Variants in XYLB observed in about 807,000 individuals in gnomAD.
XYLB encodes xylulokinase.
XYLB carries 62 observed loss-of-function variants against 78.7 expected under a neutral mutation model. The ratio of observed to expected loss-of-function variants is 0.79; its 90% CI spans 0.64 to 0.97. The LOEUF is 0.97. Among genes scored for constraint, XYLB ranks in the 50% least tolerant of loss-of-function variants. The pLI is 0.00. For missense variants in XYLB, 687 were observed against 676.8 expected, an observed-to-expected ratio of 1.02 and a Z score of -0.17; for synonymous variants, 245 against 247.4, an observed-to-expected ratio of 0.99 and a Z score of 0.09.
chr3:38,440,081 G>A, the XYLB span, among the ~76,000 whole-genome samples: 4 of 152,186 alleles, frequency 2.6e-5, no homozygotes, highest in Admixed American at 6.5e-5. Context: ...TCTGGTTCCT[G>A]TAGCAGTGGC....
At chr3:38,402,145 T>C (rs1708146215) in intron 18 of XYLB, among the ~76,000 whole-genome samples, 1 of 152,152 alleles carries the variant, frequency 6.6e-6, no homozygotes, top group Non-Finnish European at 1.5e-5. Context: ...CATAATAGTC[T>C]GTGATACAAC....
chr3:38,400,830 GTT>G, intron 17 of XYLB, 59 bp from the exon 18 acceptor site: 1 of 1,449,674 alleles, frequency 6.9e-7, no homozygotes, highest in Non-Finnish European at 9.6e-7. Context: ...CCTTCGTGGT[GTT>G]TTTGGTTAAC....
At chr3:38,382,719 C>T (rs1011569803) in intron 15 of XYLB, among the ~76,000 whole-genome samples, 9 of 152,168 alleles carry the variant, frequency 5.9e-5, no homozygotes, top group South Asian at 2.1e-4. Flanking sequence ...CCCCAGGGAA[C>T]GGAACAGCCC....
chr3:38,442,761 T>C, the XYLB span, among the ~76,000 whole-genome samples: 1 of 150,632 alleles, frequency 6.6e-6, no homozygotes, highest in African/African-American at 2.5e-5. Flanking sequence ...ACTTGAGCTT[T>C]TAAATGTCTA....
At chr3:38,363,639 C>T (rs1165312792) in intron 4 of XYLB, among the ~76,000 whole-genome samples, 10 of 152,184 alleles carry the variant, frequency 6.6e-5, no homozygotes, top group Admixed American at 5.9e-4. Context: ...CTGGTGCCCC[C>T]GTATTCTCAT....
chr3:38,408,246 A>G (rs1180037390), intron 18 of XYLB, among the ~76,000 whole-genome samples: 1 of 152,198 alleles, frequency 6.6e-6, no homozygotes, highest in Non-Finnish European at 1.5e-5. Flanking sequence ...AAAACCACTC[A>G]GCTGCATGGA....
intron 18 of XYLB, among the ~76,000 whole-genome samples, chr3:38,406,183 A>G (rs189740335): frequency 2.6e-5 from 4 of 152,314 alleles, no homozygotes; most frequent in Admixed American, 2.6e-4. Flanking sequence ...CTCCTCTGAG[A>G]CAAAACTTCC....
intron 2 of XYLB, among the ~76,000 whole-genome samples, chr3:38,359,452 G>A (rs1028948019): frequency 5.9e-5 from 9 of 152,084 alleles, no homozygotes; most frequent in Non-Finnish European, 1.2e-4. Context: ...GACAGGCTTA[G>A]GGCCTGTTCC....
intron 17 of XYLB, 34 bp from the exon 18 acceptor site, chr3:38,400,857 C>T (rs1473901257): frequency 6.3e-7 from 1 of 1,579,140 alleles, no homozygotes; most frequent in Non-Finnish European, 8.7e-7. Flanking sequence ...TCACTTGCAA[C>T]ATGCACTAAT....
the XYLB span, among the ~76,000 whole-genome samples, chr3:38,442,613 A>T: frequency 6.6e-6 from 1 of 151,738 alleles, no homozygotes; most frequent in Admixed American, 6.6e-5. Flanking sequence ...GTACAACTGG[A>T]TATAGAGGAA....
chr3:38,426,836 G>T, the XYLB span, among the ~76,000 whole-genome samples: 11 of 152,126 alleles, frequency 7.2e-5, no homozygotes, highest in Admixed American at 3.9e-4. Context: ...GCAGCAATGG[G>T]ACATGCTCAT....
chr3:38,359,082 C>A (rs571606756), intron 2 of XYLB, among the ~76,000 whole-genome samples: 5 of 152,336 alleles, frequency 3.3e-5, no homozygotes, highest in Non-Finnish European at 7.3e-5. Context: ...CTGAGAGCCA[C>A]AAACAGAGTT....
chr3:38,446,959 A>T, the XYLB span, among the ~76,000 whole-genome samples: 1 of 152,230 alleles, frequency 6.6e-6, no homozygotes, highest in African/African-American at 2.4e-5. Context: ...AAGCAAAAGA[A>T]ACAATCAACA....
At chr3:38,367,407 G>A (rs1304418838) in intron 7 of XYLB, among the ~76,000 whole-genome samples, 1 of 152,208 alleles carries the variant, frequency 6.6e-6, no homozygotes, top group African/African-American at 2.4e-5. Context: ...GCCCTGGCTA[G>A]TGATTTTCAT....
intron 17 of XYLB, 134 bp downstream of exon 17, chr3:38,397,293 T>C (rs1456173665): frequency 1.2e-6 from 1 of 802,330 alleles, no homozygotes; most frequent in African/African-American, 1.7e-5. Context: ...CAGCTTCATT[T>C]TTCTAGCTCC....
intron 18 of XYLB, among the ~76,000 whole-genome samples, chr3:38,406,293 C>A (rs1376651252): frequency 3.9e-5 from 6 of 152,230 alleles, no homozygotes; most frequent in African/African-American, 1.4e-4. Context: ...GAGTGGACCG[C>A]TAGCAAACTC....
the XYLB span, chr3:38,452,476 G>A: frequency 6.6e-6 from 1 of 152,014 alleles, no homozygotes; most frequent in African/African-American, 2.4e-5. Flanking sequence ...TGTCACCTAG[G>A]ATGGAGTGCA....
At chr3:38,369,472 A>G (rs2125589603) in intron 8 of XYLB, among the ~76,000 whole-genome samples, 1 of 152,284 alleles carries the variant, frequency 6.6e-6, no homozygotes, top group Non-Finnish European at 1.5e-5. Flanking sequence ...TCACCTGGGC[A>G]GGTGACACCA....
chr3:38,386,313 T>C (rs1185047959), intron 15 of XYLB, among the ~76,000 whole-genome samples: 1 of 152,184 alleles, frequency 6.6e-6, no homozygotes, highest in Non-Finnish European at 1.5e-5. Flanking sequence ...TCTGTTTGCC[T>C]ATTTAATGGC....
Sources: allele counts gnomAD v4.1 joint callset (sites outside exome capture counted in the v4.1 genomes callset), GRCh38; gene constraint gnomAD v4.1.1; transcripts MANE v1.5; gene names NCBI Gene and HGNC (gene_info 2026-07-23, HGNC 2026-07-21).